Variants in BAZ2B observed in about 807,000 individuals in gnomAD.
BAZ2B encodes the protein bromodomain adjacent to zinc finger domain protein 2B.
A neutral mutation model predicts 246.0 loss-of-function variants in BAZ2B; 91 were observed. That is an observed-to-expected ratio of 0.37 (90% confidence interval 0.31 to 0.44). The LOEUF is 0.44. Ranked by LOEUF, BAZ2B falls within the 20% of genes least tolerant of loss-of-function variation. The pLI is 1.00. For missense variants in BAZ2B, 2,332 were observed against 2,533.7 expected (o/e 0.92, Z 1.71); for synonymous variants, 855 against 860.0 (o/e 0.99, Z 0.10).
chr2:159,388,003 T>C (rs1484955092), intron 21 of BAZ2B, among the ~76,000 whole-genome samples: 3 of 152,078 alleles, frequency 2.0e-5, no homozygotes, highest in African/African-American at 7.2e-5. Flanking sequence ...AAGTTTTCTT[T>C]AAGCACTTTA....
At chr2:159,524,405 G>C (rs2084505486) in intron 2 of BAZ2B, among the ~76,000 whole-genome samples, 1 of 152,008 alleles carries the variant, frequency 6.6e-6, no homozygotes. Context: ...AGTGAGCTGT[G>C]ATCATGTCAC....
chr2:159,346,836 G>C (rs1170006237), intron 31 of BAZ2B, among the ~76,000 whole-genome samples: 2 of 152,056 alleles, frequency 1.3e-5, no homozygotes, highest in African/African-American at 2.4e-5. Context: ...CCTTTTGTTT[G>C]TCCACTGGAA....
chr2:159,324,847 T>C lies in BAZ2B; in HGVS notation c.6317A>G (p.Asp2106Gly). Residue 2106 changes from aspartate (D) to glycine (G), a missense_variant, in exon 36 of 37, where the codon GAT (aspartate) becomes GGT (glycine). By Grantham distance (94) the Asp-to-Gly change is moderately conservative. Coordinates refer to ENST00000392783, the MANE Select transcript of BAZ2B (RefSeq NM_013450.4). ...GYKKVIKKPM[D>G]FSTIREKLSS... ...TAGTTTCTCTCTAATTGTGGAAAAA[T>C]CCATAGGCTTCTTAATAACTTTCTT... The C allele has an allele frequency of 6.5e-7, 1 of 1,543,142 alleles. No individual in the cohort carries two copies. The highest frequency in any genetic ancestry group is 8.7e-7 in the Non-Finnish European group (1 of 1,153,582).
At chr2:159,414,544 C>G (rs1474149689) in intron 13 of BAZ2B, among the ~76,000 whole-genome samples, 1 of 152,090 alleles carries the variant, frequency 6.6e-6, no homozygotes, top group Admixed American at 6.5e-5. Flanking sequence ...TGGCCGGGCG[C>G]GGTGGCCCAC....
At position 159,320,238 on chromosome 2, in the gene BAZ2B, GA is replaced by G. The variant is rs770456868; in HGVS notation, c.*26del. The G allele has an allele frequency of 2.7e-6, 4 of 1,499,746 alleles. No homozygotes were observed. The highest frequency in any genetic ancestry group is 1.5e-5 in the African/African-American group (1 of 68,502). 92.9% of individuals were successfully genotyped at this position (1,499,746 alleles called of 1,614,324 possible). ...GGTCTCATTTGTCCTTGTTTAGAAG[GA>G]AAAAAATAAAGAGATTATTATAACT... is the stretch of plus-strand genomic sequence containing the variant. On this transcript the variant is annotated 3_prime_UTR_variant, in exon 37 of 37. Transcript: ENST00000392783.
At chr2:159,356,119 T>G (rs918257156) in intron 27 of BAZ2B, among the ~76,000 whole-genome samples, 6 of 152,004 alleles carry the variant, frequency 3.9e-5, no homozygotes, top group Admixed American at 6.6e-5. Flanking sequence ...CAGTGGTGCC[T>G]GGAGTGCCAG....
At chr2:159,325,942 T>A (rs749995117) in intron 34 of BAZ2B, 24 bp from the exon 35 acceptor site, 1 of 1,547,200 alleles carries the variant, frequency 6.5e-7, no homozygotes, top group Non-Finnish European at 8.7e-7. Flanking sequence ...AAAAAGTAAA[T>A]GAGGTGTAAG....
chr2:159,511,665 A>G (rs186819618), intron 2 of BAZ2B, among the ~76,000 whole-genome samples: 1 of 152,216 alleles, frequency 6.6e-6, no homozygotes, highest in South Asian at 2.1e-4. Flanking sequence ...AAATAAAACA[A>G]ATTTTAAAAC....
chr2:159,495,836 C>G (rs1211494763), intron 2 of BAZ2B, among the ~76,000 whole-genome samples: 1 of 150,008 alleles, frequency 6.7e-6, no homozygotes, highest in African/African-American at 2.4e-5. Context: ...GTGGGTCATT[C>G]GGCTCACTGG....
At chr2:159,511,545 A>C (rs1577959356) in intron 2 of BAZ2B, among the ~76,000 whole-genome samples, 1 of 152,274 alleles carries the variant, frequency 6.6e-6, no homozygotes, top group East Asian at 1.9e-4. Flanking sequence ...TAACAGATTT[A>C]GTTCAGTATA....
chr2:159,495,960 T>C (rs1258084100), intron 2 of BAZ2B, among the ~76,000 whole-genome samples: 6 of 151,274 alleles, frequency 4.0e-5, no homozygotes, highest in Non-Finnish European at 7.4e-5. Context: ...TTAGTAAAGA[T>C]GGGGTTTCAC....
At chr2:159,358,012 T>A (rs1017320591) in intron 27 of BAZ2B, among the ~76,000 whole-genome samples, 1 of 152,120 alleles carries the variant, frequency 6.6e-6, no homozygotes, top group African/African-American at 2.4e-5. Flanking sequence ...TGCAAAAACA[T>A]GCCAAATTGT....
chr2:159,473,772 A>G (rs1296744019), intron 3 of BAZ2B, among the ~76,000 whole-genome samples: 2 of 152,104 alleles, frequency 1.3e-5, no homozygotes, highest in Non-Finnish European at 2.9e-5. Flanking sequence ...CTTTGTTCTC[A>G]TTGGTTTCAA....
chr2:159,527,070 G>A (rs919157540), intron 2 of BAZ2B, among the ~76,000 whole-genome samples: 1 of 151,474 alleles, frequency 6.6e-6, no homozygotes, highest in Non-Finnish European at 1.5e-5. Flanking sequence ...TCATATTGTC[G>A]CTATTTTTAA....
chr2:159,316,344 A>G (rs889051460), downstream of BAZ2B, among the ~76,000 whole-genome samples: 3 of 152,164 alleles, frequency 2.0e-5, no homozygotes, highest in East Asian at 3.9e-4. Flanking sequence ...TTCCCAGCAG[A>G]TAAGATTCTA....
intron 2 of BAZ2B, among the ~76,000 whole-genome samples, chr2:159,498,686 C>T (rs1191803337): frequency 6.6e-6 from 1 of 152,122 alleles, no homozygotes; most frequent in Non-Finnish European, 1.5e-5. Flanking sequence ...CAAATATACA[C>T]AAAAAGTTAT....
intron 3 of BAZ2B, chr2:159,461,829 TC>T (rs1399306161): frequency 1.3e-5 from 2 of 152,812 alleles, no homozygotes; most frequent in African/African-American, 2.4e-5. Context: ...AGCTGACACT[TC>T]CTTTGCCCTC....
At chr2:159,601,979 C>T (rs1053075855) in intron 1 of BAZ2B, among the ~76,000 whole-genome samples, 1 of 151,714 alleles carries the variant, frequency 6.6e-6, no homozygotes, top group African/African-American at 2.4e-5. Flanking sequence ...TCTAGAAAAC[C>T]CTAGAAAATC....
At chr2:159,317,623 T>C (rs1481675675), downstream of BAZ2B, among the ~76,000 whole-genome samples, 1 of 152,242 alleles carries the variant, frequency 6.6e-6, no homozygotes, top group East Asian at 1.9e-4. Context: ...AACTTGAAAG[T>C]AGGCCAGTTT....
Sources: allele counts gnomAD v4.1 joint callset (sites outside exome capture counted in the v4.1 genomes callset), GRCh38; gene constraint gnomAD v4.1.1; transcripts MANE v1.5; gene names NCBI Gene and HGNC (gene_info 2026-07-23, HGNC 2026-07-21).